The following TTK variants were observed in gnomAD, a reference collection of about 807,000 sequenced individuals.
TTK encodes the protein TTK protein kinase.
In TTK, 59 loss-of-function variants were observed where a neutral mutation model predicts 117.3. The observed-to-expected ratio is 0.50, with a 90% CI of 0.41 to 0.62. TTK has a LOEUF of 0.62. Among genes scored for constraint, TTK ranks in the 20% least tolerant of loss-of-function variants. The probability of loss-of-function intolerance (pLI) is 0.00; values close to 1 mark genes in which losing one functional copy is unlikely to be tolerated. For missense variants in TTK, 921 were observed against 989.4 expected (o/e 0.93, Z 0.93); for synonymous variants, 302 against 325.0 (o/e 0.93, Z 0.76).
At position 80,042,370 on chromosome 6, in the gene TTK, C is replaced by G; in HGVS notation, c.*168C>G. ...AAGAAAACTGTAAAAATAGCAACCACTTATGGCACTGTATATATTGTAGAC... is the reference window on the plus strand; with the variant it reads ...AAGAAAACTGTAAAAATAGCAACCAGTTATGGCACTGTATATATTGTAGAC... On this transcript the variant is annotated 3_prime_UTR_variant, in exon 22 of 22. Coordinates refer to ENST00000369798, the MANE Select transcript of TTK (RefSeq NM_003318.5). 1 of 474,882 alleles carries G rather than the reference C, an allele frequency of 2.1e-6. No homozygotes were observed. Among genetic ancestry groups the G allele is most frequent in the East Asian group, 3.1e-5 (1 of 32,012 alleles). The allele number at this position is 474,882 out of a possible 1,614,324, so 29.4% of individuals were successfully genotyped here. A position where few individuals can be genotyped will look rare whatever the true frequency, so the allele number is the denominator to read the frequency against.
rs1315268434 is a variant in TTK, at chr6:80,008,612, A to T, written c.469+120A>T. ...GAGGCAAAAGACATTAAAGTTGATC[A>T]GATGAGAATATGGGGAGAAAATGCC... On this transcript the variant is annotated intron_variant, in intron 4 of 21. Transcript: ENST00000369798. The T allele has an allele frequency of 4.8e-6, 4 of 841,394 alleles. No homozygotes were observed. In the Admixed American group the frequency reaches 9.6e-5, roughly 20 times the overall value. The allele number at this position is 841,394 out of a possible 1,614,324, so 52.1% of individuals were successfully genotyped here. A position where few individuals can be genotyped will look rare whatever the true frequency, so the allele number is the denominator to read the frequency against.
chr6:80,011,554 G>C lies in TTK; in HGVS notation c.728+6G>C. 1 of 1,592,282 alleles carries C rather than the reference G, an allele frequency of 6.3e-7. No individual in the cohort carries two copies. Among genetic ancestry groups the C allele is most frequent in the East Asian group, 2.2e-5 (1 of 44,702 alleles). Reference sequence around the variant, plus strand: ...AAAGCCAGGTTTTTATATGGGTAAGGAAACGGAAACAGTTTTTAAATGTTC... The same window carrying C: ...AAAGCCAGGTTTTTATATGGGTAAGCAAACGGAAACAGTTTTTAAATGTTC... On this transcript the variant is annotated splice_donor_region_variant and intron_variant, in intron 6 of 21. Transcript: ENST00000369798.
Position 80,022,361 on chromosome 6 carries a change from TA to T in TTK, c.1148del (p.Asn383ThrfsTer30). The T allele has an allele frequency of 2.5e-6, 4 of 1,613,682 alleles. No individual in the cohort carries two copies. The highest frequency in any genetic ancestry group is 3.4e-6 in the Non-Finnish European group (4 of 1,179,906). On this transcript the variant is annotated frameshift_variant, in exon 11 of 22. Transcript: ENST00000369798. LOFTEE classifies it high-confidence loss of function. ...ATCAAGAACCAGAGGTTCCAGAGAG[TA>T]ACCAGAAACAGTGGCAATCTAAGAG... ...EYQEPEVPESNQKQWQSKRKS... is the reference protein window; with the variant it reads ...EYQEPEVPESXQKQWQSKRKS...
At chr6:80,030,114 G>A (rs1028475300) in intron 13 of TTK, among the ~76,000 whole-genome samples, 3 of 152,164 alleles carry the variant, frequency 2.0e-5, no homozygotes, top group Admixed American at 6.5e-5. Flanking sequence ...TTAAATAGGA[G>A]ATTACATGAG....
chr6:80,009,005 ACTG>A (rs1395645011), intron 4 of TTK, among the ~76,000 whole-genome samples: 1 of 150,176 alleles, frequency 6.7e-6, no homozygotes, highest in Non-Finnish European at 1.5e-5. Flanking sequence ...AAAAAAGTAA[ACTG>A]CTGTAGAAAC....
At position 80,008,018 on chromosome 6, in the gene TTK, G is replaced by A; in HGVS notation, c.349G>A (p.Ala117Thr). The change falls in exon 3 of 22, where the codon GCT (alanine) becomes ACT (threonine). Residue 117 changes from alanine (A) to threonine (T), a missense_variant. Transcript: ENST00000369798. ...ESFARIQVRF[A>T]ELKAIQEPDD... ...TTTTGCTAGAATTCAAGTGAGATTTGCTGAATTAAAAGCGTAAGTATTAGC... is the reference window on the plus strand; with the variant it reads ...TTTTGCTAGAATTCAAGTGAGATTTACTGAATTAAAAGCGTAAGTATTAGC... 1.2e-6 allele frequency: 2 copies of A among 1,613,132 alleles called. No homozygotes were observed. The highest frequency in any genetic ancestry group is 1.7e-5 in the Admixed American group (1 of 59,938).
rs755935709 is a variant in TTK, at chr6:80,037,900, CAAAA to C, written c.2050-61_2050-58del. The C allele has an allele frequency of 6.2e-6, 5 of 808,692 alleles. No homozygotes were observed. The Admixed American group carries it at 1.1e-4, about 18-fold the overall frequency. The allele number at this position is 808,692 out of a possible 1,614,324, so 50.1% of individuals were successfully genotyped here. A position where few individuals can be genotyped will look rare whatever the true frequency, so the allele number is the denominator to read the frequency against. On this transcript the variant is annotated intron_variant, in intron 17 of 21. Transcript: ENST00000369798. The stretch of plus-strand genomic sequence containing the variant: ...ATAATAATAATAATAATAATAATCT[CAAAA>C]AAAAATCTAAAGCAGAATTAAATAT...
intron 13 of TTK, among the ~76,000 whole-genome samples, chr6:80,029,456 G>T (rs1767697737): frequency 6.6e-6 from 1 of 152,210 alleles, no homozygotes; most frequent in Non-Finnish European, 1.5e-5. Context: ...AAACAAAAAT[G>T]ATCCAGTTTG....
chr6:80,030,003 C>T (rs1184217930), intron 13 of TTK, among the ~76,000 whole-genome samples: 1 of 152,134 alleles, frequency 6.6e-6, no homozygotes, highest in Non-Finnish European at 1.5e-5. Flanking sequence ...GAAATTACAA[C>T]ACATACATGT....
intron 4 of TTK, among the ~76,000 whole-genome samples, chr6:80,008,925 A>ATGTG (rs1194569449): frequency 6.8e-5 from 5 of 73,102 alleles, no homozygotes; most frequent in African/African-American, 2.4e-4. Context: ...AGTAAACTAT[A>ATGTG]TATCTGTGTG....
At position 80,007,960 on chromosome 6, in the gene TTK, G is replaced by A. The variant is rs576750853; in HGVS notation, c.291G>A (p.Ala97=). 6.2e-6 allele frequency: 10 copies of A among 1,613,520 alleles called. 1 individual carries two copies. The Admixed American group carries it at 1.0e-4, about 16-fold the overall frequency. Residue 97 remains alanine (A), a synonymous_variant, in exon 3 of 22, where the codon GCG becomes GCA. Coordinates refer to ENST00000369798, the MANE Select transcript of TTK (RefSeq NM_003318.5). ...GTCGTTACAGTCAAGCAATTGAAGC[G>A]CTTCCCCCAGATAAATATGGCCAAA... ...LIGRYSQAIE[A]LPPDKYGQNE...
chr6:80,011,597 A>C (rs1767157626), intron 6 of TTK, 49 bp downstream of exon 6: 2 of 1,563,784 alleles, frequency 1.3e-6, no homozygotes, highest in Non-Finnish European at 1.7e-6. Flanking sequence ...ATGTAAGTAC[A>C]TCTGTGTTTT....
intron 8 of TTK, among the ~76,000 whole-genome samples, chr6:80,012,419 T>C (rs760071478): frequency 6.6e-6 from 1 of 151,958 alleles, no homozygotes; most frequent in Non-Finnish European, 1.5e-5. Flanking sequence ...GTCTAGTGCT[T>C]CAAGAAGTGG....
chr6:80,014,520 C>G lies in TTK; in HGVS notation c.1042C>G (p.Leu348Val). ...PLVSDEKSSE[L>V]IITDSITLKN... ...GGTGTCAGATGAAAAGAGTTCTGAA[C>G]TTATTATTACTGATTCAATAACCCT... The change falls in exon 10 of 22, where the codon CTT becomes GTT. Residue 348 changes from leucine to valine, a missense_variant. Coordinates refer to ENST00000369798, the MANE Select transcript of TTK (RefSeq NM_003318.5). The G allele has an allele frequency of 6.2e-7, 1 of 1,609,716 alleles. No individual in the cohort carries two copies. The highest frequency in any genetic ancestry group is 8.5e-7 in the Non-Finnish European group (1 of 1,177,694).
intron 2 of TTK, among the ~76,000 whole-genome samples, chr6:80,007,539 C>A (rs1418491044): frequency 6.6e-6 from 1 of 151,972 alleles, no homozygotes; most frequent in African/African-American, 2.4e-5. Flanking sequence ...TTTTTAAAGG[C>A]TACTTACAAA....
chr6:80,017,407 A>G (rs959555744), intron 10 of TTK, among the ~76,000 whole-genome samples: 1 of 152,100 alleles, frequency 6.6e-6, no homozygotes, highest in Non-Finnish European at 1.5e-5. Flanking sequence ...CCTCCTAAGT[A>G]GCTGGGACTT....
chr6:80,025,576 A>T (rs1209638164), intron 11 of TTK, among the ~76,000 whole-genome samples: 2 of 152,248 alleles, frequency 1.3e-5, no homozygotes, highest in Non-Finnish European at 2.9e-5. Flanking sequence ...GATGTGCTAC[A>T]GCAGGGGTTA....
intron 10 of TTK, among the ~76,000 whole-genome samples, chr6:80,015,687 A>G (rs1206761195): frequency 6.6e-6 from 1 of 152,230 alleles, no homozygotes; most frequent in Non-Finnish European, 1.5e-5. Context: ...TGAGAAAATC[A>G]TCTTTATCAA....
chr6:80,011,602 T>A lies in TTK; in HGVS notation c.728+54T>A, dbSNP rs1767157711. 3 of 1,543,878 alleles carry A rather than the reference T, an allele frequency of 1.9e-6. No homozygotes were observed. The Admixed American group carries it at 5.4e-5, about 28-fold the overall frequency. On this transcript the variant is annotated intron_variant, in intron 6 of 21. Coordinates refer to ENST00000369798, the MANE Select transcript of TTK (RefSeq NM_003318.5). ...TTCATCTTCTATGTAAGTACATCTG[T>A]GTTTTTTAATGTAATTACATGTATC...
Sources: allele counts gnomAD v4.1 joint callset (sites outside exome capture counted in the v4.1 genomes callset), GRCh38; gene constraint gnomAD v4.1.1; transcripts MANE v1.5; gene names NCBI Gene and HGNC (gene_info 2026-07-23, HGNC 2026-07-21).